Variants in PPFIA1 observed in about 807,000 individuals in gnomAD.
PPFIA1 encodes PPFI scaffold protein A1, also known as liprin-alpha-1.
In PPFIA1, 25 loss-of-function variants were observed where a neutral mutation model predicts 149.9. The observed-to-expected ratio is 0.17, with a 90% CI of 0.12 to 0.23. PPFIA1 has a LOEUF of 0.23. Ranked by LOEUF, PPFIA1 falls within the 10% of genes least tolerant of loss-of-function variation. PPFIA1 has a pLI of 1.00. For missense variants in PPFIA1, 1,362 were observed against 1,506.5 expected, an observed-to-expected ratio of 0.90 and a Z score of 1.59; for synonymous variants, 549 against 552.8, an observed-to-expected ratio of 0.99 and a Z score of 0.10.
chr11:70,286,969 A>G (rs1357535424), intron 2 of PPFIA1, among the ~76,000 whole-genome samples: 1 of 142,664 alleles, frequency 7.0e-6, no homozygotes, highest in Non-Finnish European at 1.5e-5. Flanking sequence ...ATATACATAT[A>G]CACATATATG....
rs1342702269 is a variant in PPFIA1, at chr11:70,272,207, C to T, written c.35C>T (p.Ala12Val). 4 of 1,613,840 alleles carry T rather than the reference C, an allele frequency of 2.5e-6. No homozygotes were observed. Among genetic ancestry groups the T allele is most frequent in the African/African-American group, 1.3e-5 (1 of 74,918 alleles). Residue 12 changes from alanine (A) to valine (V), a missense_variant, in exon 2 of 28, where the codon GCA becomes GTA. Coordinates refer to ENST00000253925, the MANE Select transcript of PPFIA1 (RefSeq NM_003626.5). Reference sequence around the variant, plus strand: ...GAGGTGATGCCGACCATCAGCGAAGCAGAAGGCCCCCCTGGAGGAGGTGGA... The same window carrying T: ...GAGGTGATGCCGACCATCAGCGAAGTAGAAGGCCCCCCTGGAGGAGGTGGA... ...MCEVMPTISE[A>V]EGPPGGGGGH...
In PPFIA1 at chr11:70,362,267, C is replaced by A. The variant is rs144249873; in HGVS notation, c.2665-21C>A. 9.2e-5 allele frequency: 148 copies of A among 1,613,948 alleles called. No individual in the cohort carries two copies. The African/African-American group carries it at 1.8e-3, about 19-fold the overall frequency. ...AGACTGTACCTCACTGTGCTGCCTT[C>A]CTTCCGCTTTCCGCCTCCAGCTCTG... On this transcript the variant is annotated intron_variant, in intron 20 of 27. Coordinates refer to ENST00000253925, the MANE Select transcript of PPFIA1 (RefSeq NM_003626.5).
At chr11:70,343,123 T>G (rs1295530936) in intron 14 of PPFIA1, among the ~76,000 whole-genome samples, 1 of 152,200 alleles carries the variant, frequency 6.6e-6, no homozygotes, top group East Asian at 1.9e-4. Context: ...AATTTTTGTA[T>G]TTTTAGTAGA....
intron 2 of PPFIA1, among the ~76,000 whole-genome samples, chr11:70,308,112 G>A (rs2052990342): frequency 6.6e-6 from 1 of 152,216 alleles, no homozygotes; most frequent in Admixed American, 6.5e-5. Context: ...GCAATGGTGC[G>A]ATCTCGGCTC....
At chr11:70,350,938 T>G (rs1456443976) in intron 16 of PPFIA1, 9 of 1,081,768 alleles carry the variant, frequency 8.3e-6, no homozygotes, top group South Asian at 5.1e-5. Context: ...ATTTTTAACT[T>G]CAAAGTGTAT....
chr11:70,286,948 A>G (rs958243816), intron 2 of PPFIA1, among the ~76,000 whole-genome samples: 5 of 141,768 alleles, frequency 3.5e-5, no homozygotes, highest in Admixed American at 1.4e-4. Context: ...ATATATACAC[A>G]TATACTATAT....
At chr11:70,357,402 C>T (rs1057190346) in intron 19 of PPFIA1, among the ~76,000 whole-genome samples, 10 of 152,044 alleles carry the variant, frequency 6.6e-5, no homozygotes, top group Non-Finnish European at 1.2e-4. Context: ...TGAAATCTAT[C>T]TCATTTTAGT....
intron 2 of PPFIA1, among the ~76,000 whole-genome samples, chr11:70,308,896 C>A (rs2053065883): frequency 6.6e-6 from 1 of 152,158 alleles, no homozygotes; most frequent in Admixed American, 6.5e-5. Flanking sequence ...TCACTTCAGT[C>A]TGGGTGACAG....
intron 2 of PPFIA1, among the ~76,000 whole-genome samples, chr11:70,273,474 A>G (rs1384459740): frequency 6.6e-6 from 1 of 152,170 alleles, no homozygotes; most frequent in Admixed American, 6.5e-5. Context: ...AGAGCTGTCT[A>G]GGCGCCACGT....
chr11:70,320,629 G>T (rs1455663851), intron 2 of PPFIA1, among the ~76,000 whole-genome samples: 5 of 151,768 alleles, frequency 3.3e-5, no homozygotes, highest in Admixed American at 3.3e-4. Flanking sequence ...TAGAGATGGG[G>T]TCTCACTATG....
At chr11:70,304,740 A>C (rs139825223) in intron 2 of PPFIA1, among the ~76,000 whole-genome samples, 3 of 152,296 alleles carry the variant, frequency 2.0e-5, no homozygotes, top group African/African-American at 7.2e-5. Context: ...AGAGGCACAC[A>C]GCTGCAGAAC....
chr11:70,312,123 C>T (rs2053324716), intron 2 of PPFIA1, among the ~76,000 whole-genome samples: 1 of 151,714 alleles, frequency 6.6e-6, no homozygotes, highest in South Asian at 2.1e-4. Flanking sequence ...GGATTACAAG[C>T]GTGAGCCACC....
intron 23 of PPFIA1, among the ~76,000 whole-genome samples, chr11:70,372,984 A>G (rs1407527336): frequency 6.6e-6 from 1 of 152,224 alleles, no homozygotes; most frequent in Non-Finnish European, 1.5e-5. Context: ...GGAGAACAGG[A>G]GAGCACCGTG....
intron 16 of PPFIA1, chr11:70,349,876 C>T (rs1394345754): frequency 1.8e-5 from 8 of 454,776 alleles, no homozygotes; most frequent in South Asian, 7.8e-5. Flanking sequence ...TCTATGCTTC[C>T]GTCATTGGTT....
chr11:70,296,639 C>G, intron 2 of PPFIA1, among the ~76,000 whole-genome samples: 1 of 151,292 alleles, frequency 6.6e-6, no homozygotes. Flanking sequence ...GCAGTACAGT[C>G]CAGCTTCGGC....
chr11:70,301,526 T>C (rs531077712), intron 2 of PPFIA1, among the ~76,000 whole-genome samples: 175 of 152,322 alleles, frequency 1.1e-3, no homozygotes, highest in Admixed American at 2.0e-3. Flanking sequence ...GAGTAAAATG[T>C]GATAAAATAT....
chr11:70,296,200 C>A (rs895377576), intron 2 of PPFIA1, among the ~76,000 whole-genome samples: 1 of 147,376 alleles, frequency 6.8e-6, no homozygotes, highest in African/African-American at 2.5e-5. Context: ...TTTCCAGACT[C>A]GGCAGCCAGG....
At chr11:70,289,689 T>C (rs1383984658) in intron 2 of PPFIA1, among the ~76,000 whole-genome samples, 1 of 152,238 alleles carries the variant, frequency 6.6e-6, no homozygotes, top group Non-Finnish European at 1.5e-5. Context: ...TTTTATAAAC[T>C]TTTTAAGTAG....
rs1339285192 is a variant in PPFIA1 at position 70,372,357 on chromosome 11, G to C, written c.3008G>C (p.Arg1003Pro). The stretch of plus-strand genomic sequence containing the variant: ...GACCACTTGACCAAGAAAGACCTTC[G>C]AGGGCAGCTGAAAATGGTCGACAGT... ...MLDHLTKKDL[R>P]GQLKMVDSFH... Residue 1003 changes from arginine to proline, a missense_variant, in exon 22 of 28, where the codon CGA (arginine) becomes CCA (proline). Physicochemically the swap from Arg to Pro is moderately radical, Grantham distance 103. Around this residue, in one of 7 missense-constraint regions of PPFIA1, gnomAD observed 349 missense variants for 373.3 expected, o/e 0.93. Coordinates refer to ENST00000253925, the MANE Select transcript of PPFIA1 (RefSeq NM_003626.5). The C allele has an allele frequency of 2.5e-6, 4 of 1,614,184 alleles. No homozygotes were observed. The highest frequency in any genetic ancestry group is 1.6e-4 in the Middle Eastern group (1 of 6,062).
Sources: gnomAD v4.1 joint callset for allele counts (sites outside exome capture counted in the v4.1 genomes callset) on GRCh38, gnomAD v4.1.1 for gene constraint, gnomAD v4.1.1 regional missense constraint, MANE v1.5 for transcripts, NCBI Gene and HGNC (gene_info 2026-07-23, HGNC 2026-07-21) for gene names.